The following RHOBTB2 variants were observed in gnomAD, a reference collection of about 807,000 sequenced individuals.
RHOBTB2 encodes the protein rho-related BTB domain-containing protein 2.
RHOBTB2 carries 39 observed loss-of-function variants against 66.5 expected under a neutral mutation model. The observed-to-expected ratio is 0.59, with a 90% CI of 0.45 to 0.77. RHOBTB2 has a LOEUF of 0.77. Among genes scored for constraint, RHOBTB2 ranks in the 30% least tolerant of loss-of-function variants. The pLI, the probability that RHOBTB2 is intolerant of heterozygous loss-of-function variation, is 0.00. For missense variants in RHOBTB2, 755 were observed against 999.1 expected (o/e 0.76, Z 3.29); for synonymous variants, 390 against 395.0 (o/e 0.99, Z 0.15).
chr8:22,967,755 G>A, the RHOBTB2 span, among the ~76,000 whole-genome samples: 3 of 152,102 alleles, frequency 2.0e-5, no homozygotes, highest in Admixed American at 1.3e-4. Context: ...AAGGAGTATA[G>A]AGTCGTAGTT....
At chr8:22,962,311 G>T in the RHOBTB2 span, among the ~76,000 whole-genome samples, 2 of 148,648 alleles carry the variant, frequency 1.3e-5, no homozygotes, top group Admixed American at 6.7e-5. Flanking sequence ...ACTAGGCCCA[G>T]GTGATTTTAC....
At chr8:22,954,547 A>G in the RHOBTB2 span, among the ~76,000 whole-genome samples, 4 of 152,344 alleles carry the variant, frequency 2.6e-5, no homozygotes, top group Admixed American at 2.0e-4. Context: ...TGACATTTCA[A>G]GTGAATAGGG....
the RHOBTB2 span, among the ~76,000 whole-genome samples, chr8:22,967,235 A>C: frequency 6.6e-6 from 1 of 152,238 alleles, no homozygotes; most frequent in Non-Finnish European, 1.5e-5. Flanking sequence ...AGCCTTAAAA[A>C]GGAAGAAAAT....
chr8:22,951,244 C>CTTTTTTTTTTTTTT, the RHOBTB2 span, among the ~76,000 whole-genome samples: 1 of 87,982 alleles, frequency 1.1e-5, no homozygotes, highest in Non-Finnish European at 2.0e-5. Context: ...CTACTTAGCT[C>CTTTTTTTTTTTTTT]TTTTTTTTTT....
chr8:23,007,505 C>T lies in RHOBTB2; in HGVS notation c.1260C>T (p.Ser420=). ...RLMVVVKMDS[S]IQPGPFRAVL... ...TGGTGGTGGTGAAGATGGACAGTTC[C>T]ATCCAGCCGGGGCCCTTCCGGGCTG... is the stretch of plus-strand genomic sequence containing the variant. The change falls in exon 5 of 10, where the codon TCC becomes TCT. Residue 420 remains serine (S), a synonymous_variant. Coordinates refer to ENST00000251822, the MANE Select transcript of RHOBTB2 (RefSeq NM_015178.3). 1 of 1,614,206 alleles carries T rather than the reference C, an allele frequency of 6.2e-7. No individual in the cohort carries two copies. The highest frequency in any genetic ancestry group is 1.1e-5 in the South Asian group (1 of 91,084).
At chr8:22,981,908 C>CGG in the RHOBTB2 span, among the ~76,000 whole-genome samples, 109,313 of 151,872 alleles carry the variant, frequency 0.72, 39,955 homozygotes, top group African/African-American at 0.83. Flanking sequence ...GTTCCATATC[C>CGG]GCCACTTTAC....
chr8:23,008,193 C>G, intron 6 of RHOBTB2, 82 bp downstream of exon 6: 1 of 930,852 alleles, frequency 1.1e-6, no homozygotes. Flanking sequence ...ACTCAGGGTA[C>G]TTTCTTCACT....
At chr8:22,991,576 C>T (rs1262533852) in intron 1 of RHOBTB2, among the ~76,000 whole-genome samples, 2 of 152,186 alleles carry the variant, frequency 1.3e-5, no homozygotes, top group African/African-American at 4.8e-5. Context: ...CCAGAGACCC[C>T]TCAGGTATCA....
chr8:22,951,175 G>C, the RHOBTB2 span, among the ~76,000 whole-genome samples: 11,489 of 150,758 alleles, frequency 0.076, 579 homozygotes, highest in Middle Eastern at 0.15. Flanking sequence ...AGACAAAAAG[G>C]TTTAAAAATT....
At chr8:22,998,138 A>C (rs1810629350), upstream of RHOBTB2, among the ~76,000 whole-genome samples, 1 of 152,198 alleles carries the variant, frequency 6.6e-6, no homozygotes. Context: ...GTAGGTAGGC[A>C]CGTTGATCAC....
upstream of RHOBTB2, chr8:22,995,829 G>A (rs1223183907): frequency 4.5e-6 from 7 of 1,550,778 alleles, no homozygotes; most frequent in Non-Finnish European, 6.1e-6. Context: ...AGGCCCATGG[G>A]GTGGGCTCCG....
At chr8:22,992,362 T>C (rs572962208) in intron 2 of RHOBTB2, among the ~76,000 whole-genome samples, 2 of 152,274 alleles carry the variant, frequency 1.3e-5, no homozygotes, top group Admixed American at 6.5e-5. Context: ...CATGAAAAAG[T>C]TGTGAAAAAA....
upstream of RHOBTB2, among the ~76,000 whole-genome samples, chr8:22,982,885 G>A (rs1810233435): frequency 6.6e-6 from 1 of 152,176 alleles, no homozygotes; most frequent in Non-Finnish European, 1.5e-5. Flanking sequence ...CACAGACAGC[G>A]CCTTCTGGCT....
At chr8:23,009,482 G>T (rs1811072603) in intron 6 of RHOBTB2, among the ~76,000 whole-genome samples, 1 of 152,122 alleles carries the variant, frequency 6.6e-6, no homozygotes, top group Admixed American at 6.5e-5. Context: ...AGTTAACGAG[G>T]TTCGACTTTG....
rs73559713 is a variant in RHOBTB2, at chr8:23,003,259, C to T, written c.-10-1166C>T. 5.8e-3 allele frequency among the ~76,000 whole-genome samples: 879 copies of T among 152,334 alleles called. 13 individuals carry two copies. Among genetic ancestry groups the T allele is most frequent in the African/African-American group, 0.02 (828 of 41,570 alleles). On this transcript the variant is annotated intron_variant, in intron 1 of 9. Transcript: ENST00000251822. ...GGATGCCGAGGCCAGGGCCTCCTGG[C>T]GACAGATTTTTAAACACGAACATGA...
Position 22,999,840 on chromosome 8 carries a change from G to T in RHOBTB2, c.-276G>T, listed in dbSNP as rs1810713735. On this transcript the variant is annotated 5_prime_UTR_variant, in exon 1 of 10. Coordinates refer to ENST00000251822, the MANE Select transcript of RHOBTB2 (RefSeq NM_015178.3). Reference sequence around the variant, plus strand: ...CGTGACATTGGGCGCCTGGCGCGCGGGGCGATGCTGATCCGGAAGGGGCAG... The same window carrying T: ...CGTGACATTGGGCGCCTGGCGCGCGTGGCGATGCTGATCCGGAAGGGGCAG... 3.0e-6 allele frequency: 3 copies of T among 984,504 alleles called. No individual in the cohort carries two copies. Among genetic ancestry groups the T allele is most frequent in the African/African-American group, 1.8e-5 (1 of 57,116 alleles). 61.0% of individuals were successfully genotyped at this position (984,504 alleles called of 1,614,324 possible). A position where few individuals can be genotyped will look rare whatever the true frequency, so the allele number is the denominator to read the frequency against.
At chr8:23,003,169 A>G (rs1393641531) in intron 1 of RHOBTB2, among the ~76,000 whole-genome samples, 2 of 152,206 alleles carry the variant, frequency 1.3e-5, no homozygotes, top group African/African-American at 4.8e-5. Flanking sequence ...CGGGCAGATG[A>G]CGCTGGCGAA....
chr8:23,007,462 C>G lies in RHOBTB2; in HGVS notation c.1217C>G (p.Thr406Ser). ...IQEEMAEDPL[T>S]YKSRLMVVVK... ...GAAGAGATGGCAGAAGATCCTCTCA[C>G]CTACAAATCCCGGCTGATGGTGGTG... is the stretch of plus-strand genomic sequence containing the variant. Residue 406 changes from threonine (T) to serine (S), a missense_variant, in exon 5 of 10, where the codon ACC (threonine) becomes AGC (serine). Around this residue, in one of 7 missense-constraint regions of RHOBTB2, gnomAD observed 353 missense variants for 458.2 expected, o/e 0.77. Coordinates refer to ENST00000251822, the MANE Select transcript of RHOBTB2 (RefSeq NM_015178.3). 6.2e-7 allele frequency: 1 copy of G among 1,614,216 alleles called. No homozygotes were observed. Among genetic ancestry groups the G allele is most frequent in the African/African-American group, 1.3e-5 (1 of 75,062 alleles).
chr8:23,010,655 C>T lies in RHOBTB2; in HGVS notation c.1738C>T (p.Arg580Cys), dbSNP rs1280583223. 13 of 1,614,036 alleles carry T rather than the reference C, an allele frequency of 8.1e-6. No individual in the cohort carries two copies. The highest frequency in any genetic ancestry group is 1.6e-4 in the Middle Eastern group (1 of 6,082). ...CATGAAGCTCATCATTCTAGCCAAC[C>T]GCCTCTGCCTGCCACACCTGGTTGC... is the stretch of plus-strand genomic sequence containing the variant. ...DDMKLIILAN[R>C]LCLPHLVALT... The change falls in exon 7 of 10, where the codon CGC becomes TGC. Residue 580 changes from arginine (R) to cysteine (C), a missense_variant. Arg to Cys is a radical substitution (Grantham distance 180). Transcript: ENST00000251822.
Sources: allele counts gnomAD v4.1 joint callset (sites outside exome capture counted in the v4.1 genomes callset), GRCh38; gene constraint gnomAD v4.1.1; regional missense constraint gnomAD v4.1.1; transcripts MANE v1.5; gene names NCBI Gene and HGNC (gene_info 2026-07-23, HGNC 2026-07-21).